CAMTA1: variants seen among roughly 807,000 people sequenced by gnomAD.
CAMTA1 encodes calmodulin binding transcription activator 1.
In CAMTA1, 27 loss-of-function variants were observed where a neutral mutation model predicts 170.9. That is an observed-to-expected ratio of 0.16 (90% confidence interval 0.12 to 0.22). The LOEUF (loss-of-function observed/expected upper bound fraction) is 0.22. Among genes scored for constraint, CAMTA1 ranks in the 10% least tolerant of loss-of-function variants. The pLI is 1.00. For missense variants in CAMTA1, 1,619 were observed against 2,217.2 expected (o/e 0.73, Z 5.42); for synonymous variants, 833 against 891.5 (o/e 0.93, Z 1.17).
rs532761839 is a variant in CAMTA1, at chr1:7,639,206, T to C, written c.511-1194T>C. Among the ~76,000 whole-genome samples the C allele has an allele frequency of 1.7e-3, 255 of 151,964 alleles. 1 individual carries two copies. Among genetic ancestry groups the C allele is most frequent in the African/African-American group, 5.8e-3 (241 of 41,452 alleles). On this transcript the variant is annotated intron_variant, in intron 6 of 22. Coordinates refer to ENST00000303635, the MANE Select transcript of CAMTA1 (RefSeq NM_015215.4). ...GTGTTAGCCAGGATGGTCTCGATCT[T>C]CTGACCTCGTGATCCGCCTGCCTCA...
intron 5 of CAMTA1, among the ~76,000 whole-genome samples, chr1:7,347,690 C>T (rs1020614243): frequency 1.3e-5 from 2 of 152,158 alleles, no homozygotes; most frequent in African/African-American, 2.4e-5. Flanking sequence ...GTCCCGACCC[C>T]TCTTCAGCTC....
intron 3 of CAMTA1, among the ~76,000 whole-genome samples, chr1:7,057,853 C>T (rs577815615): frequency 1.3e-5 from 2 of 152,336 alleles, no homozygotes; most frequent in South Asian, 4.1e-4. Context: ...GGATGGTCCA[C>T]CAACTTTTGG....
intron 3 of CAMTA1, among the ~76,000 whole-genome samples, chr1:7,061,384 G>C (rs888655754): frequency 6.6e-6 from 1 of 152,246 alleles, no homozygotes; most frequent in Non-Finnish European, 1.5e-5. Context: ...TGTGGCTGCT[G>C]GCGAGCGGGT....
At chr1:7,712,920 T>C (rs2096581941) in intron 11 of CAMTA1, among the ~76,000 whole-genome samples, 1 of 152,170 alleles carries the variant, frequency 6.6e-6, no homozygotes, top group Non-Finnish European at 1.5e-5. Flanking sequence ...CTCATGAGTC[T>C]TATTCACTAT....
rs1197431216 is a variant in CAMTA1 at position 6,863,936 on chromosome 1, TG to T, written c.234+38727del. 7.2e-5 allele frequency among the ~76,000 whole-genome samples: 11 copies of T among 152,364 alleles called. No homozygotes were observed. In the East Asian group the frequency reaches 2.1e-3, roughly 29 times the overall value. Reference sequence around the variant, plus strand: ...AGTTTGTTAGATTTCTTCTTGTTTTTGTTGACCTTGACAGACTAAGTATTTT... The same window carrying T: ...AGTTTGTTAGATTTCTTCTTGTTTTTTTGACCTTGACAGACTAAGTATTTT... On this transcript the variant is annotated intron_variant, in intron 3 of 22. Coordinates refer to ENST00000303635, the MANE Select transcript of CAMTA1 (RefSeq NM_015215.4).
At chr1:7,385,037 G>A (rs956718697) in intron 5 of CAMTA1, among the ~76,000 whole-genome samples, 3 of 151,506 alleles carry the variant, frequency 2.0e-5, no homozygotes, top group African/African-American at 7.3e-5. Context: ...GGACCACCCA[G>A]CTTCAGCAGA....
At chr1:6,909,067 TGGTGACA>T (rs1679170842) in intron 3 of CAMTA1, among the ~76,000 whole-genome samples, 1 of 152,244 alleles carries the variant, frequency 6.6e-6, no homozygotes, top group Non-Finnish European at 1.5e-5. Context: ...TTTTTTCCAA[TGGTGACA>T]GGTAGGATTA....
At chr1:7,713,604 T>TA (rs992850458) in intron 11 of CAMTA1, among the ~76,000 whole-genome samples, 2 of 152,238 alleles carry the variant, frequency 1.3e-5, no homozygotes, top group African/African-American at 4.8e-5. Flanking sequence ...ACATCTTTGA[T>TA]ACAACATTTT....
chr1:7,486,650 G>C (rs2093621819), intron 6 of CAMTA1, among the ~76,000 whole-genome samples: 1 of 152,188 alleles, frequency 6.6e-6, no homozygotes, highest in African/African-American at 2.4e-5. Flanking sequence ...CAGACCTAAG[G>C]CTTAGCTAAT....
intron 5 of CAMTA1, among the ~76,000 whole-genome samples, chr1:7,276,303 A>ATATATATATATT: frequency 6.6e-4 from 16 of 24,224 alleles, no homozygotes; most frequent in Admixed American, 1.3e-3. Context: ...ATATATATAT[A>ATATATATATATT]TTTTTTTTTT....
chr1:7,041,300 C>A lies in CAMTA1; in HGVS notation c.235-50004C>A, dbSNP rs1362022522. Reference sequence around the variant, plus strand: ...GGGGCTCAGAGCCAGTCCAGTCAGACCTGCGAGGCCTGGGCTGTGGCTGCT... The same window carrying A: ...GGGGCTCAGAGCCAGTCCAGTCAGAACTGCGAGGCCTGGGCTGTGGCTGCT... On this transcript the variant is annotated intron_variant, in intron 3 of 22. Transcript: ENST00000303635. This position sits in a 1 kb window ranked among gnomAD's most constrained non-coding sequence, Gnocchi z 5.1. 6.6e-6 allele frequency among the ~76,000 whole-genome samples: 1 copy of A among 152,226 alleles called. No individual in the cohort carries two copies. Among genetic ancestry groups the A allele is most frequent in the Admixed American group, 6.5e-5 (1 of 15,290 alleles).
At chr1:7,548,732 G>A (rs2094748259) in intron 6 of CAMTA1, among the ~76,000 whole-genome samples, 1 of 100,900 alleles carries the variant, frequency 9.9e-6, no homozygotes, top group Admixed American at 9.9e-5. Flanking sequence ...CTCCTTAGGG[G>A]TGGAGGTGCC....
At chr1:7,507,465 C>T (rs2094137441) in intron 6 of CAMTA1, among the ~76,000 whole-genome samples, 1 of 152,228 alleles carries the variant, frequency 6.6e-6, no homozygotes, top group Admixed American at 6.5e-5. Context: ...GGCCTCACTT[C>T]CTTTCTCTCT....
intron 4 of CAMTA1, among the ~76,000 whole-genome samples, chr1:7,245,412 A>G (rs1356326356): frequency 1.3e-5 from 2 of 151,662 alleles, no homozygotes; most frequent in East Asian, 1.9e-4. Flanking sequence ...AATACATATA[A>G]CAGATCTTAT....
chr1:7,546,101 A>C (rs1575937721), intron 6 of CAMTA1, among the ~76,000 whole-genome samples: 1 of 151,786 alleles, frequency 6.6e-6, no homozygotes, highest in Admixed American at 6.6e-5. Context: ...GACTACAGGC[A>C]CCTGCCACCA....
At position 7,580,509 on chromosome 1, in the gene CAMTA1, C is replaced by A. The variant is rs1388068449; in HGVS notation, c.511-59891C>A. On this transcript the variant is annotated intron_variant, in intron 6 of 22. Transcript: ENST00000303635. This position sits in a 1 kb window ranked among gnomAD's most constrained non-coding sequence, Gnocchi z 4.3. The stretch of plus-strand genomic sequence containing the variant: ...GAAGACATCATGGAGACCTCAGAGA[C>A]ACACAGCCCTCTTCCCATGAGCCAG... Among the ~76,000 whole-genome samples, 1 of 152,126 alleles carries A rather than the reference C, an allele frequency of 6.6e-6. No individual in the cohort carries two copies. The highest frequency in any genetic ancestry group is 1.9e-4 in the East Asian group (1 of 5,180).
chr1:6,845,875 A>C (rs1307547652), intron 3 of CAMTA1, among the ~76,000 whole-genome samples: 5 of 152,202 alleles, frequency 3.3e-5, no homozygotes, highest in Admixed American at 3.3e-4. Flanking sequence ...CTGAGACTGG[A>C]TAATTTATAA....
chr1:7,601,768 G>A (rs541927359), intron 6 of CAMTA1, among the ~76,000 whole-genome samples: 100 of 152,314 alleles, frequency 6.6e-4, no homozygotes, highest in African/African-American at 2.3e-3. Context: ...GCGAAACCCC[G>A]TCTCCACCAA....
chr1:7,182,999 C>T (rs190411136), intron 4 of CAMTA1, among the ~76,000 whole-genome samples: 3 of 152,176 alleles, frequency 2.0e-5, no homozygotes, highest in East Asian at 1.9e-4. Flanking sequence ...GGAAGTGTGG[C>T]GATTGTACTC....
Sources: gnomAD v4.1 joint callset for allele counts (sites outside exome capture counted in the v4.1 genomes callset) on GRCh38, gnomAD v4.1.1 for gene constraint, Gnocchi (gnomAD v3.1) non-coding constraint, MANE v1.5 for transcripts, NCBI Gene and HGNC (gene_info 2026-07-23, HGNC 2026-07-21) for gene names.